The following DCLRE1A variants were observed in gnomAD, a reference collection of about 807,000 sequenced individuals.
DCLRE1A encodes the protein DNA cross-link repair 1A, also known as DNA cross-link repair 1A protein.
Under a neutral mutation model 91.9 loss-of-function variants are expected in DCLRE1A, and 64 were observed. The ratio of observed to expected loss-of-function variants is 0.70; its 90% confidence interval spans 0.57 to 0.86. The LOEUF (loss-of-function observed/expected upper bound fraction) is 0.86. Ranked by LOEUF, DCLRE1A falls within the 40% of genes least tolerant of loss-of-function variation. The pLI is 0.00. For synonymous variants in DCLRE1A, 416 were observed against 431.1 expected (o/e 0.96, Z 0.43); for missense variants, 1,145 against 1,213.3 (o/e 0.94, Z 0.84).
intron 1 of DCLRE1A, among the ~76,000 whole-genome samples, chr10:113,852,137 C>T (rs1845659874): frequency 6.6e-6 from 1 of 152,266 alleles, no homozygotes; most frequent in Non-Finnish European, 1.5e-5. Flanking sequence ...GAGATCGAGA[C>T]CATCCTGGCT....
At chr10:113,836,502 G>A (rs74795517) in intron 8 of DCLRE1A, among the ~76,000 whole-genome samples, 23 of 152,086 alleles carry the variant, frequency 1.5e-4, no homozygotes, top group African/African-American at 5.5e-4. Flanking sequence ...ATAACACACC[G>A]TTTATCTTCT....
Position 113,850,426 on chromosome 10 carries a change from C to T in DCLRE1A, c.679G>A (p.Asp227Asn), listed in dbSNP as rs1190737734. 1.2e-6 allele frequency: 2 copies of T among 1,614,190 alleles called. No individual in the cohort carries two copies. Among genetic ancestry groups the T allele is most frequent in the Non-Finnish European group, 1.7e-6 (2 of 1,180,040 alleles). ...AAATACTGTGTCATCAATAAGGGAT[C>T]ATTTGAAACCGAGTTATCAGTTTGG... ...QNQTDNSVSN[D>N]PLLMTQYFKK... Residue 227 changes from aspartate (D) to asparagine (N), a missense_variant, in exon 2 of 9, where the codon GAT becomes AAT. Physicochemically the swap from Asp to Asn is conservative, Grantham distance 23. Transcript: ENST00000361384.
At position 113,849,469 on chromosome 10, in the gene DCLRE1A, C is replaced by T. The variant is rs1324183856; in HGVS notation, c.1636G>A (p.Ala546Thr). 1 of 1,614,108 alleles carries T rather than the reference C, an allele frequency of 6.2e-7. No homozygotes were observed. Among genetic ancestry groups the T allele is most frequent in the Non-Finnish European group, 8.5e-7 (1 of 1,180,012 alleles). ...KILPSGLKYN[A>T]RHPSTKVMKQ... ...ATTACCTTGGTAGAAGGATGTCTTG[C>T]ATTATACTTAAGACCAGAAGGCAAT... The change falls in exon 2 of 9, where the codon GCA (alanine) becomes ACA (threonine). Residue 546 changes from alanine (A) to threonine (T), a missense_variant. Physicochemically the swap from Ala to Thr is moderately conservative, Grantham distance 58. Coordinates refer to ENST00000361384, the MANE Select transcript of DCLRE1A (RefSeq NM_014881.5).
At chr10:113,842,202 T>A (rs940977033) in intron 6 of DCLRE1A, 141 bp downstream of exon 6, 1 of 682,880 alleles carries the variant, frequency 1.5e-6, no homozygotes, top group Non-Finnish European at 2.2e-6. Flanking sequence ...ACTGTCAAAT[T>A]TTCCTTCAAC....
chr10:113,838,784 T>G (rs1347010159), intron 7 of DCLRE1A, among the ~76,000 whole-genome samples: 1 of 152,224 alleles, frequency 6.6e-6, no homozygotes, highest in African/African-American at 2.4e-5. Flanking sequence ...CAATCAGGTT[T>G]AAATCAGGTG....
chr10:113,852,674 G>A (rs1300234799), intron 1 of DCLRE1A, 49 bp downstream of exon 1: 27 of 1,524,778 alleles, frequency 1.8e-5, no homozygotes, highest in Non-Finnish European at 2.2e-5. Context: ...CTGACCTAAT[G>A]AAGACTTTTT....
chr10:113,853,283 A>T lies in DCLRE1A; in HGVS notation c.-101T>A. 2 of 1,207,276 alleles carry T rather than the reference A, an allele frequency of 1.7e-6. No individual in the cohort carries two copies. Among genetic ancestry groups the T allele is most frequent in the Non-Finnish European group, 2.2e-6 (2 of 897,796 alleles). The allele number at this position is 1,207,276 out of a possible 1,614,324, so 74.8% of individuals were successfully genotyped here. A position where few individuals can be genotyped will look rare whatever the true frequency, so the allele number is the denominator to read the frequency against. ...GTTATAGAATTATTTTGCTGAGAAA[A>T]AAAACAAAGGTAACAAAACCCCCAC... On this transcript the variant is annotated 5_prime_UTR_variant, in exon 1 of 9. Coordinates refer to ENST00000361384, the MANE Select transcript of DCLRE1A (RefSeq NM_014881.5).
chr10:113,850,171 T>C lies in DCLRE1A; in HGVS notation c.934A>G (p.Ile312Val), dbSNP rs1286738148. 2 of 1,614,054 alleles carry C rather than the reference T, an allele frequency of 1.2e-6. No homozygotes were observed. The highest frequency in any genetic ancestry group is 1.3e-5 in the African/African-American group (1 of 74,912). ...TGTGAATCATCCGGTTTTTCATCGA[T>C]ATCATGAGTGTCTTCATCACTTTGA... is the stretch of plus-strand genomic sequence containing the variant. The part of the protein sequence containing the change: ...PLQSDEDTHD[I>V]DEKPDDSQEQ... The change falls in exon 2 of 9, where the codon ATC becomes GTC. Residue 312 changes from isoleucine (I) to valine (V), a missense_variant. Physicochemically the swap from Ile to Val is conservative, Grantham distance 29. Transcript: ENST00000361384.
Position 113,836,033 on chromosome 10 carries a change from T to A in DCLRE1A, c.2963-721A>T, listed in dbSNP as rs536631172. Among the ~76,000 whole-genome samples the A allele has an allele frequency of 1.1e-4, 16 of 152,322 alleles. No individual in the cohort carries two copies. In the South Asian group the frequency reaches 3.3e-3, roughly 32 times the overall value. On this transcript the variant is annotated intron_variant, in intron 8 of 8. Coordinates refer to ENST00000361384, the MANE Select transcript of DCLRE1A (RefSeq NM_014881.5). ...CCCTTTGTGCTCTCTCTCACTCTCCTACTCCGCTAGGATAAGATGTAAGAT... is the reference window on the plus strand; with the variant it reads ...CCCTTTGTGCTCTCTCTCACTCTCCAACTCCGCTAGGATAAGATGTAAGAT...
At position 113,835,131 on chromosome 10, in the gene DCLRE1A, A is replaced by G; in HGVS notation, c.*21T>C. ...GCTACATCCAAGGAACTTAACTACT[A>G]CTGAATCCTCGGAGGTATCATCAAT... is the stretch of plus-strand genomic sequence containing the variant. On this transcript the variant is annotated 3_prime_UTR_variant, in exon 9 of 9. Coordinates refer to ENST00000361384, the MANE Select transcript of DCLRE1A (RefSeq NM_014881.5). 6.2e-7 allele frequency: 1 copy of G among 1,607,416 alleles called. No homozygotes were observed. The highest frequency in any genetic ancestry group is 8.5e-7 in the Non-Finnish European group (1 of 1,177,152).
At chr10:113,842,985 C>T (rs895961916) in intron 5 of DCLRE1A, among the ~76,000 whole-genome samples, 2 of 150,768 alleles carry the variant, frequency 1.3e-5, no homozygotes, top group African/African-American at 2.4e-5. Context: ...CTTACAGATA[C>T]AAAATATATA....
rs1564843045 is a variant in DCLRE1A, at chr10:113,844,153, G to A, written c.2470C>T (p.Arg824Cys). 12 of 1,614,054 alleles carry A rather than the reference G, an allele frequency of 7.4e-6. No individual in the cohort carries two copies. The highest frequency in any genetic ancestry group is 4.5e-5 in the East Asian group (2 of 44,892). Residue 824 changes from arginine to cysteine, a missense_variant, in exon 5 of 9, where the codon CGT (arginine) becomes TGT (cysteine). By Grantham distance (180) the Arg-to-Cys change is radical (BLOSUM62 -3). Transcript: ENST00000361384. ...GDFRADPSME[R>C]SLLADQKVHM... ...ACTTTCTGGTCCGCAAGAAGAGAAC[G>A]TTCCATGCTGGGATCTGCTCTGAAG... is the stretch of plus-strand genomic sequence containing the variant.
Position 113,850,210 on chromosome 10 carries a change from A to C in DCLRE1A, c.895T>G (p.Ser299Ala). Residue 299 changes from serine (S) to alanine (A), a missense_variant, in exon 2 of 9, where the codon TCC becomes GCC. Coordinates refer to ENST00000361384, the MANE Select transcript of DCLRE1A (RefSeq NM_014881.5). Reference sequence around the variant, plus strand: ...TCATCACTTTGAAGTGGAGAATAGGAGATTTCACAGTCACTGAAGTCATTT... The same window carrying C: ...TCATCACTTTGAAGTGGAGAATAGGCGATTTCACAGTCACTGAAGTCATTT... ...PENDFSDCEI[S>A]YSPLQSDEDT... is the part of the protein sequence containing the mutation. The C allele has an allele frequency of 6.2e-7, 1 of 1,614,136 alleles. No homozygotes were observed. Among genetic ancestry groups the C allele is most frequent in the Non-Finnish European group, 8.5e-7 (1 of 1,180,032 alleles).
chr10:113,846,096 C>T (rs139656011), intron 3 of DCLRE1A, among the ~76,000 whole-genome samples: 1 of 152,128 alleles, frequency 6.6e-6, no homozygotes, highest in Non-Finnish European at 1.5e-5. Context: ...TTATTCCCTA[C>T]CTTGTGTTCT....
intron 7 of DCLRE1A, 143 bp from the exon 8 acceptor site, chr10:113,837,346 T>TA: frequency 1.8e-6 from 1 of 565,816 alleles, no homozygotes; most frequent in Non-Finnish European, 2.8e-6. Flanking sequence ...GCTATGCTTC[T>TA]AAAAAATAAT....
chr10:113,852,974 G>A lies in DCLRE1A; in HGVS notation c.209C>T (p.Ala70Val), dbSNP rs1280389490. Residue 70 changes from alanine to valine, a missense_variant, in exon 1 of 9, where the codon GCA becomes GTA. Coordinates refer to ENST00000361384, the MANE Select transcript of DCLRE1A (RefSeq NM_014881.5). ...AGAAGCAACAGAAGTCTGACAACCT[G>A]CATTTCCAAGGGGCACTTCATGGTC... is the stretch of plus-strand genomic sequence containing the variant. ...VKDHEVPLGN[A>V]GCQTSVASSQ... The A allele has an allele frequency of 6.2e-7, 1 of 1,614,192 alleles. No individual in the cohort carries two copies.
chr10:113,852,734 C>G lies in DCLRE1A; in HGVS notation c.449G>C (p.Arg150Pro), dbSNP rs768514726. 1 of 1,613,250 alleles carries G rather than the reference C, an allele frequency of 6.2e-7. No homozygotes were observed. The highest frequency in any genetic ancestry group is 8.5e-7 in the Non-Finnish European group (1 of 1,179,572). ...TTCTGCAGTCTTACCTGTTTCAGAGCGTGGTGGAGAATCCAAACATTCAAA... is the reference window on the plus strand; with the variant it reads ...TTCTGCAGTCTTACCTGTTTCAGAGGGTGGTGGAGAATCCAAACATTCAAA... ...HVFECLDSPP[R>P]SETECPDGLL... Residue 150 changes from arginine (R) to proline (P), a missense_variant, in exon 1 of 9, where the codon CGC becomes CCC. By Grantham distance (103) the Arg-to-Pro change is moderately radical. Transcript: ENST00000361384.
At position 113,849,811 on chromosome 10, in the gene DCLRE1A, C is replaced by T. The variant is rs777666021; in HGVS notation, c.1294G>A (p.Glu432Lys). 11 of 1,614,156 alleles carry T rather than the reference C, an allele frequency of 6.8e-6. No homozygotes were observed. In the Admixed American group the frequency reaches 1.2e-4, roughly 17 times the overall value. Residue 432 changes from glutamate (E) to lysine (K), a missense_variant, in exon 2 of 9, where the codon GAG (glutamate) becomes AAG (lysine). Transcript: ENST00000361384. ...VHQATKAKPD[E>K]PEFHSAQSNK... ...GATTGAGCTGAGTGAAATTCTGGCTCATCAGGTTTTGCTTTAGTTGCCTGA... is the reference window on the plus strand; with the variant it reads ...GATTGAGCTGAGTGAAATTCTGGCTTATCAGGTTTTGCTTTAGTTGCCTGA...
chr10:113,845,818 G>T lies in DCLRE1A; in HGVS notation c.2260-15C>A. 1 of 1,587,234 alleles carries T rather than the reference G, an allele frequency of 6.3e-7. No homozygotes were observed. The highest frequency in any genetic ancestry group is 2.2e-5 in the East Asian group (1 of 44,710). On this transcript the variant is annotated splice_polypyrimidine_tract_variant and intron_variant, in intron 3 of 8. Coordinates refer to ENST00000361384, the MANE Select transcript of DCLRE1A (RefSeq NM_014881.5). ...TTGCCAGTTATCTGCAAAACAGGAC[G>T]TGCTTATTGCTGATGCAGTAAAACA...
Sources: gnomAD v4.1 joint callset for allele counts (sites outside exome capture counted in the v4.1 genomes callset) on GRCh38, gnomAD v4.1.1 for gene constraint, MANE v1.5 for transcripts, NCBI Gene and HGNC (gene_info 2026-07-23, HGNC 2026-07-21) for gene names.